The following GRIN2A variants were observed in gnomAD, a reference collection of about 807,000 sequenced individuals.
GRIN2A encodes the protein glutamate receptor ionotropic, NMDA 2A.
In GRIN2A, 22 loss-of-function variants were observed where a neutral mutation model predicts 113.4. The observed-to-expected ratio is 0.19, with a 90% CI of 0.14 to 0.28. GRIN2A has a LOEUF of 0.28. GRIN2A is among the 10% of genes least tolerant of loss of function. GRIN2A has a pLI of 1.00. For synonymous variants in GRIN2A, 827 were observed against 738.4 expected, an observed-to-expected ratio of 1.12 and a Z score of -1.94; for missense variants, 1,502 against 1,887.0, an observed-to-expected ratio of 0.80 and a Z score of 3.78.
rs188578254 is a variant in GRIN2A at position 10,158,621 on chromosome 16, A to G, written c.414+21377T>C. On this transcript the variant is annotated intron_variant, in intron 2 of 12. Coordinates refer to ENST00000330684, the MANE Select transcript of GRIN2A (RefSeq NM_001134407.3). ...GAATAAAGTACTGATTCATGCTACG[A>G]CATGGATGGACCTTGAAAACATTAT... Among the ~76,000 whole-genome samples the G allele has an allele frequency of 1.8e-3, 278 of 152,374 alleles. 1 individual carries two copies. The highest frequency in any genetic ancestry group is 6.4e-3 in the African/African-American group (268 of 41,600).
intron 9 of GRIN2A, among the ~76,000 whole-genome samples, chr16:9,826,452 A>G (rs1049195985): frequency 2.0e-5 from 3 of 152,194 alleles, no homozygotes; most frequent in African/African-American, 7.2e-5. Flanking sequence ...CAATATGATT[A>G]TTTCACAGCA....
Position 10,058,254 on chromosome 16 carries a change from AAAAAAAACCAAAAAAC to A in GRIN2A, c.415-119719_415-119704del, listed in dbSNP as rs1380837090. ...GGTGAAAAGAGCTAGACACTGTCTC[AAAAAAAACCAAAAAAC>A]AAAAAAACCAAAAAACAAAAAAACA... On this transcript the variant is annotated intron_variant, in intron 2 of 12. Transcript: ENST00000330684. 6.9e-4 allele frequency among the ~76,000 whole-genome samples: 105 copies of A among 151,842 alleles called. 1 individual carries two copies. Among genetic ancestry groups the A allele is most frequent in the African/African-American group, 2.1e-3 (85 of 41,374 alleles).
At chr16:9,902,961 GC>G (rs1220061319) in intron 3 of GRIN2A, among the ~76,000 whole-genome samples, 12 of 41,122 alleles carry the variant, frequency 2.9e-4, no homozygotes, top group African/African-American at 4.6e-4. Context: ...TTTTTTTTTG[GC>G]GGGGGGGTGG....
intron 4 of GRIN2A, 145 bp downstream of exon 4, chr16:9,890,841 G>C: frequency 1.5e-6 from 1 of 669,046 alleles, no homozygotes. Flanking sequence ...AGTCTGCCTT[G>C]TTGCAAGAAA....
chr16:10,165,397 T>C (rs1185329504), intron 2 of GRIN2A, among the ~76,000 whole-genome samples: 1 of 151,264 alleles, frequency 6.6e-6, no homozygotes, highest in Non-Finnish European at 1.5e-5. Context: ...ATTTTCTTTA[T>C]ACTGCCCTGA....
chr16:9,788,765 CAG>C (rs1293598992), intron 11 of GRIN2A, among the ~76,000 whole-genome samples: 2 of 127,136 alleles, frequency 1.6e-5, no homozygotes, highest in Non-Finnish European at 3.2e-5. Context: ...TTTTCTGAGA[CAG>C]AGTCTCATTT....
intron 2 of GRIN2A, among the ~76,000 whole-genome samples, chr16:10,025,563 A>G (rs962608639): frequency 2.6e-5 from 4 of 151,930 alleles, no homozygotes; most frequent in Non-Finnish European, 5.9e-5. Flanking sequence ...CGGCCTCCCT[A>G]AGTGCTGGAA....
Position 9,846,526 on chromosome 16 carries a change from C to T in GRIN2A, c.1328+3230G>A, listed in dbSNP as rs141526107. On this transcript the variant is annotated intron_variant, in intron 5 of 12. Coordinates refer to ENST00000330684, the MANE Select transcript of GRIN2A (RefSeq NM_001134407.3). Reference sequence around the variant, plus strand: ...TAATAGCTGAGACTGGAGTTTGAAACGAGGAAGTAAAAATCTCTCTTCCTA... The same window carrying T: ...TAATAGCTGAGACTGGAGTTTGAAATGAGGAAGTAAAAATCTCTCTTCCTA... Among the ~76,000 whole-genome samples the T allele has an allele frequency of 5.3e-5, 8 of 152,236 alleles. No individual in the cohort carries two copies. In the East Asian group the frequency reaches 5.8e-4, roughly 11 times the overall value.
At chr16:10,112,662 C>T (rs369709403) in intron 2 of GRIN2A, 5 of 763,250 alleles carry the variant, frequency 6.6e-6, no homozygotes, top group South Asian at 1.3e-5. Context: ...CAGCCAGAAA[C>T]GATACTTCAG....
At chr16:9,812,330 A>G (rs1478697069) in intron 10 of GRIN2A, among the ~76,000 whole-genome samples, 1 of 152,156 alleles carries the variant, frequency 6.6e-6, no homozygotes, top group Non-Finnish European at 1.5e-5. Flanking sequence ...AATAAATGGA[A>G]TCTGTTAGTT....
At chr16:9,942,395 T>G (rs1188945628) in intron 2 of GRIN2A, among the ~76,000 whole-genome samples, 1 of 152,202 alleles carries the variant, frequency 6.6e-6, no homozygotes. Context: ...GCCAGCCCCG[T>G]GGCTTTGAAA....
chr16:10,095,028 G>C (rs986403778), intron 2 of GRIN2A, among the ~76,000 whole-genome samples: 1 of 152,012 alleles, frequency 6.6e-6, no homozygotes, highest in African/African-American at 2.4e-5. Flanking sequence ...GAGGTCATAA[G>C]AGTAGGACCC....
rs546300599 is a variant in GRIN2A, at chr16:9,860,881, T to C, written c.1123-10920A>G. 2.6e-5 allele frequency among the ~76,000 whole-genome samples: 4 copies of C among 152,302 alleles called. No individual in the cohort carries two copies. In the South Asian group the frequency reaches 8.3e-4, roughly 32 times the overall value. On this transcript the variant is annotated intron_variant, in intron 4 of 12. Transcript: ENST00000330684. ...ATCCATGTTCGATATAGTATAGTGC[T>C]CACCCACAATGCAGTTCAAGAAGTA... is the stretch of plus-strand genomic sequence containing the variant.
chr16:9,827,229 A>G (rs182106450), intron 9 of GRIN2A, among the ~76,000 whole-genome samples: 7 of 152,292 alleles, frequency 4.6e-5, no homozygotes, highest in African/African-American at 1.7e-4. Flanking sequence ...AGTGGCAGAG[A>G]GGAAACAGGC....
chr16:10,175,740 G>C (rs929568296), intron 2 of GRIN2A, among the ~76,000 whole-genome samples: 2 of 152,180 alleles, frequency 1.3e-5, no homozygotes, highest in Admixed American at 1.3e-4. Context: ...GGCATGGATG[G>C]ATATAGCTAA....
intron 2 of GRIN2A, among the ~76,000 whole-genome samples, chr16:10,147,322 T>C (rs1375357147): frequency 1.3e-5 from 2 of 151,602 alleles, no homozygotes; most frequent in East Asian, 3.9e-4. Flanking sequence ...GAAATGATAA[T>C]GTGAAAGAAT....
intron 4 of GRIN2A, among the ~76,000 whole-genome samples, chr16:9,888,720 G>A (rs766537792): frequency 9.9e-5 from 15 of 151,738 alleles, no homozygotes; most frequent in African/African-American, 7.3e-5. Flanking sequence ...CATGATATGC[G>A]TATGTGCATA....
chr16:10,042,243 CTTCTCATGAATGGAGTGGGGGACAAAA>C (rs2047178756), intron 2 of GRIN2A, among the ~76,000 whole-genome samples: 1 of 152,192 alleles, frequency 6.6e-6, no homozygotes, highest in Non-Finnish European at 1.5e-5. Context: ...TGGCAACTCT[CTTCTCATGAATGGAGTGGGGGACAAAA>C]GACAGTGTGA....
intron 11 of GRIN2A, among the ~76,000 whole-genome samples, chr16:9,776,814 G>GGCA (rs1901631912): frequency 6.6e-6 from 1 of 152,070 alleles, no homozygotes; most frequent in African/African-American, 2.4e-5. Flanking sequence ...AATTGGAAAT[G>GGCA]GCAAAGGAAC....
Sources: gnomAD v4.1 joint callset for allele counts (sites outside exome capture counted in the v4.1 genomes callset) on GRCh38, gnomAD v4.1.1 for gene constraint, MANE v1.5 for transcripts, NCBI Gene and HGNC (gene_info 2026-07-23, HGNC 2026-07-21) for gene names.